GRIK1: variants seen among roughly 807,000 people sequenced by gnomAD.
GRIK1 encodes glutamate receptor ionotropic, kainate 1.
In GRIK1, 69 loss-of-function variants were observed where a neutral mutation model predicts 105.7. That is an observed-to-expected ratio of 0.65 (90% CI 0.54 to 0.80). GRIK1 has a LOEUF of 0.80. GRIK1 is among the 30% of genes least tolerant of loss of function. GRIK1 has a pLI of 0.00. For missense variants in GRIK1, 1,109 were observed against 1,167.3 expected (o/e 0.95, Z 0.73); for synonymous variants, 438 against 431.3 (o/e 1.02, Z -0.19).
At chr21:29,799,568 C>T (rs1038591494) in intron 1 of GRIK1, among the ~76,000 whole-genome samples, 9 of 152,120 alleles carry the variant, frequency 5.9e-5, no homozygotes, top group African/African-American at 2.2e-4. Flanking sequence ...CTCACTCTGT[C>T]GCCCAGGCTG....
At chr21:29,706,903 T>C (rs376696504) in intron 1 of GRIK1, among the ~76,000 whole-genome samples, 162 of 152,300 alleles carry the variant, frequency 1.1e-3, no homozygotes, top group African/African-American at 3.5e-3. Flanking sequence ...CTCGCTCTGT[T>C]GCCCAGGCTG....
intron 1 of GRIK1, among the ~76,000 whole-genome samples, chr21:29,816,024 A>G (rs973792076): frequency 6.6e-6 from 1 of 152,088 alleles, no homozygotes; most frequent in Non-Finnish European, 1.5e-5. Context: ...TATTGATGGG[A>G]AAAAATACCT....
At chr21:29,671,665 A>G (rs983976546) in intron 4 of GRIK1, among the ~76,000 whole-genome samples, 7 of 152,176 alleles carry the variant, frequency 4.6e-5, no homozygotes, top group African/African-American at 7.2e-5. Context: ...ACTGGCCCTT[A>G]CCAATCAACA....
In GRIK1 at chr21:29,773,409, G is replaced by A. The variant is rs187443171; in HGVS notation, c.119-79346C>T. ...CCTTCTTCACCTATGTTAGGTAATCGGCATCCACCTTTGGTATTTCCAAGT... is the reference window on the plus strand; with the variant it reads ...CCTTCTTCACCTATGTTAGGTAATCAGCATCCACCTTTGGTATTTCCAAGT... On this transcript the variant is annotated intron_variant, in intron 1 of 17. Coordinates refer to ENST00000327783, the MANE Select transcript of GRIK1 (RefSeq NM_001330994.2). Among the ~76,000 whole-genome samples the A allele has an allele frequency of 2.7e-3, 411 of 152,156 alleles. 2 individuals are homozygous for A. Among genetic ancestry groups the A allele is most frequent in the African/African-American group, 9.2e-3 (381 of 41,508 alleles).
intron 1 of GRIK1, among the ~76,000 whole-genome samples, chr21:29,796,512 A>G (rs2066559619): frequency 6.6e-6 from 1 of 152,130 alleles, no homozygotes; most frequent in African/African-American, 2.4e-5. Flanking sequence ...TGCGTATCAT[A>G]TAAAATATTA....
intron 1 of GRIK1, among the ~76,000 whole-genome samples, chr21:29,868,153 C>T (rs1405249644): frequency 6.6e-6 from 1 of 152,104 alleles, no homozygotes; most frequent in Middle Eastern, 3.2e-3. Context: ...GTGAAAACAA[C>T]AAAACTGGAA....
chr21:29,733,747 T>A (rs2146907269), intron 1 of GRIK1, among the ~76,000 whole-genome samples: 1 of 152,178 alleles, frequency 6.6e-6, no homozygotes, highest in African/African-American at 2.4e-5. Flanking sequence ...CTGTTAGCGT[T>A]TATAGATGTA....
intron 16 of GRIK1, among the ~76,000 whole-genome samples, chr21:29,542,353 T>G (rs2146092742): frequency 6.7e-6 from 1 of 148,296 alleles, no homozygotes; most frequent in Middle Eastern, 3.4e-3. Context: ...ATGTTTGATT[T>G]CTTGAAGCTT....
At chr21:29,624,911 T>C (rs76425724) in intron 7 of GRIK1, among the ~76,000 whole-genome samples, 1 of 152,348 alleles carries the variant, frequency 6.6e-6, no homozygotes, top group African/African-American at 2.4e-5. Flanking sequence ...CCTGCTGTTC[T>C]GGAAATTAGG....
intron 1 of GRIK1, among the ~76,000 whole-genome samples, chr21:29,882,817 A>ACTGAACATTGGCCTC (rs1185869677): frequency 6.6e-6 from 1 of 152,098 alleles, no homozygotes; most frequent in Non-Finnish European, 1.5e-5. Context: ...TTAAGTCTTA[A>ACTGAACATTGGCCTC]CTGAACATTG....
chr21:29,792,991 T>C (rs1247529288), intron 1 of GRIK1, among the ~76,000 whole-genome samples: 1 of 152,218 alleles, frequency 6.6e-6, no homozygotes, highest in Admixed American at 6.5e-5. Flanking sequence ...TTAATGTCAC[T>C]ATTTTCTACT....
chr21:29,711,372 A>C (rs1279688450), intron 1 of GRIK1, among the ~76,000 whole-genome samples: 1 of 152,204 alleles, frequency 6.6e-6, no homozygotes, highest in Non-Finnish European at 1.5e-5. Context: ...GCTATACCAT[A>C]TAGCCTACAT....
At chr21:29,714,453 A>G (rs1376673160) in intron 1 of GRIK1, among the ~76,000 whole-genome samples, 4 of 152,224 alleles carry the variant, frequency 2.6e-5, no homozygotes, top group African/African-American at 7.2e-5. Context: ...AATGAGGGTT[A>G]CTGACCTGGG....
chr21:29,703,017 C>T (rs1030259061), intron 1 of GRIK1, among the ~76,000 whole-genome samples: 1 of 152,214 alleles, frequency 6.6e-6, no homozygotes, highest in Non-Finnish European at 1.5e-5. Flanking sequence ...CTTTTAATTA[C>T]TGTATTTCTT....
chr21:29,674,778 T>C lies in GRIK1; in HGVS notation c.545-1614A>G, dbSNP rs563683777. Among the ~76,000 whole-genome samples, 3 of 152,326 alleles carry C rather than the reference T, an allele frequency of 2.0e-5. No individual in the cohort carries two copies. In the South Asian group the frequency reaches 6.2e-4, roughly 32 times the overall value. On this transcript the variant is annotated intron_variant, in intron 3 of 17. Transcript: ENST00000327783. ...TGGAAATATGAGTCAATTAAACCTC[T>C]TTTCGTTATAAATTACTCAGTCTCA...
intron 1 of GRIK1, among the ~76,000 whole-genome samples, chr21:29,875,136 T>C (rs568858988): frequency 7.2e-5 from 11 of 152,074 alleles, no homozygotes; most frequent in Non-Finnish European, 1.2e-4. Context: ...CAGCACCACT[T>C]TATCAATACT....
intron 1 of GRIK1, among the ~76,000 whole-genome samples, chr21:29,855,982 T>A (rs1178011279): frequency 6.6e-6 from 1 of 152,054 alleles, no homozygotes; most frequent in East Asian, 1.9e-4. Context: ...GGAAACACAT[T>A]TGGAGAGAAA....
At chr21:29,932,278 T>C (rs1406549473) in intron 1 of GRIK1, among the ~76,000 whole-genome samples, 1 of 152,180 alleles carries the variant, frequency 6.6e-6, no homozygotes, top group Non-Finnish European at 1.5e-5. Flanking sequence ...GGAAGGTGTT[T>C]CTATGAGATT....
At chr21:29,933,383 G>A (rs995561069) in intron 1 of GRIK1, among the ~76,000 whole-genome samples, 17 of 152,192 alleles carry the variant, frequency 1.1e-4, no homozygotes, top group Admixed American at 9.8e-4. Context: ...CATGAGTTGA[G>A]TGGGACATTA....
Sources: gnomAD v4.1 joint callset for allele counts (sites outside exome capture counted in the v4.1 genomes callset) on GRCh38, gnomAD v4.1.1 for gene constraint, MANE v1.5 for transcripts, NCBI Gene and HGNC (gene_info 2026-07-23, HGNC 2026-07-21) for gene names.